The following MMS22L variants were observed in gnomAD, a reference collection of about 807,000 sequenced individuals.
MMS22L encodes MMS22 like, DNA repair protein.
MMS22L carries 74 observed loss-of-function variants against 159.1 expected under a neutral mutation model. The observed-to-expected ratio is 0.47, with a 90% CI of 0.39 to 0.56. MMS22L has a LOEUF of 0.56. MMS22L is among the 20% of genes least tolerant of loss of function. The probability of loss-of-function intolerance (pLI) is 0.00; values close to 1 mark genes in which losing one functional copy is unlikely to be tolerated. For missense variants in MMS22L, 1,351 were observed against 1,422.1 expected (o/e 0.95, Z 0.80); for synonymous variants, 517 against 506.9 (o/e 1.02, Z -0.27).
chr6:97,180,476 T>C (rs1342417130), intron 16 of MMS22L, among the ~76,000 whole-genome samples: 2 of 152,116 alleles, frequency 1.3e-5, no homozygotes, highest in Non-Finnish European at 2.9e-5. Context: ...ATATAAAATG[T>C]TATGTAATGT....
Position 97,246,614 on chromosome 6 carries a change from C to T in MMS22L, c.1182+14G>A. The T allele has an allele frequency of 1.3e-6, 2 of 1,597,630 alleles. No individual in the cohort carries two copies. Among genetic ancestry groups the T allele is most frequent in the South Asian group, 1.2e-5 (1 of 86,944 alleles). Reference sequence around the variant, plus strand: ...TAAGCAAAATCCACAAACTGTCTTACTTTAATTGCATACCTGAACACTGAT... The same window carrying T: ...TAAGCAAAATCCACAAACTGTCTTATTTTAATTGCATACCTGAACACTGAT... On this transcript the variant is annotated intron_variant, in intron 11 of 24. Transcript: ENST00000683635.
At chr6:97,190,742 G>A (rs115598707) in intron 14 of MMS22L, among the ~76,000 whole-genome samples, 2,752 of 152,216 alleles carry the variant, frequency 0.018, 84 homozygotes, top group African/African-American at 0.063. Context: ...ATGGTTATTA[G>A]CATAGCTATC....
At chr6:97,246,815 T>C in intron 10 of MMS22L, 125 bp from the exon 11 acceptor site, 1 of 615,668 alleles carries the variant, frequency 1.6e-6, no homozygotes, top group Non-Finnish European at 2.7e-6. Flanking sequence ...ATGTGATTTC[T>C]TGAATTTCTA....
intron 22 of MMS22L, among the ~76,000 whole-genome samples, chr6:97,157,354 T>A (rs745551535): frequency 1.2e-4 from 19 of 152,158 alleles, no homozygotes; most frequent in Admixed American, 1.1e-3. Context: ...TCCAACACTA[T>A]GTTGAAGAGG....
intron 14 of MMS22L, among the ~76,000 whole-genome samples, chr6:97,223,163 C>G (rs1168546737): frequency 6.6e-6 from 1 of 152,066 alleles, no homozygotes; most frequent in Non-Finnish European, 1.5e-5. Context: ...CTAGAGGGAA[C>G]TGCTTTTCTC....
At chr6:97,260,208 G>A (rs1210769320) in intron 9 of MMS22L, 1 of 152,126 alleles carries the variant, frequency 6.6e-6, no homozygotes, top group Non-Finnish European at 1.5e-5. Flanking sequence ...CGTAGATTTA[G>A]ATCTTTTATT....
Position 97,194,402 on chromosome 6 carries a change from C to T in MMS22L, c.2040-7712G>A, listed in dbSNP as rs939268156. Among the ~76,000 whole-genome samples, 16 of 152,000 alleles carry T rather than the reference C, an allele frequency of 1.1e-4. 1 individual carries two copies. Among genetic ancestry groups the T allele is most frequent in the Admixed American group, 1.0e-3 (16 of 15,256 alleles). Reference sequence around the variant, plus strand: ...GCAGATGCTGCTATCCTATGGTGCACCATGCTGTGGGCAGTCACCTTCTTG... The same window carrying T: ...GCAGATGCTGCTATCCTATGGTGCATCATGCTGTGGGCAGTCACCTTCTTG... On this transcript the variant is annotated intron_variant, in intron 14 of 24. Transcript: ENST00000683635.
chr6:97,252,644 C>CAA (rs377388849), intron 10 of MMS22L, among the ~76,000 whole-genome samples: 3 of 80,014 alleles, frequency 3.7e-5, no homozygotes, highest in African/African-American at 4.7e-5. Flanking sequence ...GACTCCATCT[C>CAA]AAAAAAAAAA....
chr6:97,277,573 C>CA (rs1271790198), intron 4 of MMS22L, among the ~76,000 whole-genome samples: 1 of 151,636 alleles, frequency 6.6e-6, no homozygotes, highest in Admixed American at 6.6e-5. Flanking sequence ...ACAAAATGAA[C>CA]AAAAAAACAC....
In MMS22L at chr6:97,254,348, A is replaced by T. The variant is rs1454991535; in HGVS notation, c.1119+209T>A. Reference sequence around the variant, plus strand: ...TAGCAGGGCCAGGACTACATACCAAATCTTCTACAAGTAATTTTTTTTAAT... The same window carrying T: ...TAGCAGGGCCAGGACTACATACCAATTCTTCTACAAGTAATTTTTTTTAAT... On this transcript the variant is annotated intron_variant, in intron 10 of 24. Transcript: ENST00000683635. 5 of 500,128 alleles carry T rather than the reference A, an allele frequency of 1.0e-5. No individual in the cohort carries two copies. In the South Asian group the frequency reaches 1.2e-4, roughly 12 times the overall value. The allele number at this position is 500,128 out of a possible 1,614,324, so 31.0% of individuals were successfully genotyped here.
intron 14 of MMS22L, among the ~76,000 whole-genome samples, chr6:97,221,509 A>G (rs1809645341): frequency 6.6e-6 from 1 of 151,834 alleles, no homozygotes. Context: ...AGAGTAAATA[A>G]GGTGAAAATA....
rs575702996 is a variant in MMS22L at position 97,171,339 on chromosome 6, T to A, written c.2839+1724A>T. 9.2e-5 allele frequency among the ~76,000 whole-genome samples: 14 copies of A among 152,208 alleles called. No individual in the cohort carries two copies. The East Asian group carries it at 2.5e-3, about 27-fold the overall frequency. Reference sequence around the variant, plus strand: ...TATCACAAGAAAAGGATAGATGAAGTGTAATGAGAGAGATGATCAAGTCTA... The same window carrying A: ...TATCACAAGAAAAGGATAGATGAAGAGTAATGAGAGAGATGATCAAGTCTA... On this transcript the variant is annotated intron_variant, in intron 19 of 24. Transcript: ENST00000683635.
At chr6:97,214,693 T>G (rs967552897) in intron 14 of MMS22L, among the ~76,000 whole-genome samples, 17 of 150,504 alleles carry the variant, frequency 1.1e-4, no homozygotes, top group African/African-American at 3.6e-4. Flanking sequence ...TTGTTTTTTT[T>G]TTTTTTTCAA....
At chr6:97,217,565 T>G (rs959414026) in intron 14 of MMS22L, among the ~76,000 whole-genome samples, 18 of 152,308 alleles carry the variant, frequency 1.2e-4, no homozygotes, top group African/African-American at 4.3e-4. Context: ...AAATAAAATC[T>G]AATTATAAAG....
intron 10 of MMS22L, among the ~76,000 whole-genome samples, chr6:97,250,148 T>C (rs760492152): frequency 3.3e-5 from 5 of 152,182 alleles, no homozygotes; most frequent in Admixed American, 1.3e-4. Context: ...CATTTTTTTT[T>C]CTACATACCA....
chr6:97,182,588 T>C (rs550014812), intron 15 of MMS22L, among the ~76,000 whole-genome samples: 13 of 152,286 alleles, frequency 8.5e-5, no homozygotes, highest in Admixed American at 7.2e-4. Context: ...AACAAATATG[T>C]TTTATTTTGT....
At chr6:97,221,421 T>C (rs1809637372) in intron 14 of MMS22L, among the ~76,000 whole-genome samples, 1 of 152,058 alleles carries the variant, frequency 6.6e-6, no homozygotes, top group Admixed American at 6.6e-5. Context: ...AAAGCTAATA[T>C]ATTGAGTAGT....
At chr6:97,162,242 A>G (rs1802525155) in intron 21 of MMS22L, 77 bp from the exon 22 acceptor site, 2 of 1,313,330 alleles carry the variant, frequency 1.5e-6, no homozygotes, top group Non-Finnish European at 2.1e-6. Flanking sequence ...TAATTTAAAG[A>G]TATTGGCAAA....
chr6:97,153,361 G>A (rs908858760), intron 22 of MMS22L, among the ~76,000 whole-genome samples: 3 of 128,552 alleles, frequency 2.3e-5, no homozygotes, highest in East Asian at 2.5e-4. Flanking sequence ...TGTCTCTACA[G>A]ATCTTTTTTT....
Sources: allele counts gnomAD v4.1 joint callset (sites outside exome capture counted in the v4.1 genomes callset), GRCh38; gene constraint gnomAD v4.1.1; transcripts MANE v1.5; gene names NCBI Gene and HGNC (gene_info 2026-07-23, HGNC 2026-07-21).